The following LOC128125822 variants were observed in gnomAD, a reference collection of about 807,000 sequenced individuals.
chr6:63,579,137 G>C, the LOC128125822 span: 16 of 1,375,970 alleles, frequency 1.2e-5, no homozygotes, highest in Non-Finnish European at 1.5e-5. Context: ...ATTTGTCATA[G>C]GTATTACTTA....
At chr6:63,572,602 G>A in the LOC128125822 span, 1 of 418,216 alleles carries the variant, frequency 2.4e-6, no homozygotes, top group South Asian at 1.1e-4. Context: ...CGCCACCGCC[G>A]CTCCGCCACG....
the LOC128125822 span, among the ~76,000 whole-genome samples, chr6:63,577,712 T>C: frequency 1.3e-5 from 2 of 152,028 alleles, no homozygotes; most frequent in Non-Finnish European, 2.9e-5. Context: ...GTACGCCACC[T>C]TGCCCAGCTA....
the LOC128125822 span, chr6:63,576,637 G>A: frequency 1.9e-6 from 1 of 527,808 alleles, no homozygotes; most frequent in Non-Finnish European, 3.3e-6. Flanking sequence ...CAAGAGTTCT[G>A]ACCTGGATGG....
the LOC128125822 span, chr6:63,578,544 G>A: frequency 1.2e-6 from 2 of 1,606,072 alleles, no homozygotes; most frequent in Non-Finnish European, 1.7e-6. Context: ...GTATTTAACA[G>A]TTCTTATGGG....
the LOC128125822 span, chr6:63,573,370 T>G: frequency 1.3e-5 from 2 of 151,368 alleles, no homozygotes; most frequent in African/African-American, 2.4e-5. Flanking sequence ...AGCTCCGGGG[T>G]GGGCGCGGGA....
the LOC128125822 span, chr6:63,580,012 AGGG>A: frequency 7.2e-7 from 1 of 1,397,082 alleles, no homozygotes; most frequent in Non-Finnish European, 1.0e-6. Context: ...ATATTACTGT[AGGG>A]GGCTTTTGCC....
the LOC128125822 span, chr6:63,581,161 A>T: frequency 6.6e-6 from 1 of 151,796 alleles, no homozygotes; most frequent in Non-Finnish European, 1.5e-5. Flanking sequence ...TTCCTTCCCA[A>T]CCTCTCTTGC....
the LOC128125822 span, chr6:63,578,370 A>G: frequency 6.6e-7 from 1 of 1,510,916 alleles, no homozygotes; most frequent in Non-Finnish European, 8.9e-7. Context: ...GATGATCAGA[A>G]TATAAAATGT....
At chr6:63,580,230 A>AC in the LOC128125822 span, 2 of 1,341,250 alleles carry the variant, frequency 1.5e-6, no homozygotes, top group East Asian at 4.6e-5. Context: ...CTAATTTGTT[A>AC]TACATATTAG....
chr6:63,579,516 T>C, the LOC128125822 span, among the ~76,000 whole-genome samples: 3 of 152,392 alleles, frequency 2.0e-5, no homozygotes, highest in African/African-American at 7.2e-5. Context: ...ACTAAGATTC[T>C]AATCCAACAA....
chr6:63,583,498 G>A, the LOC128125822 span: 8 of 152,186 alleles, frequency 5.3e-5, no homozygotes, highest in African/African-American at 1.9e-4. Flanking sequence ...CCAGTGATAT[G>A]TGTTAACGTA....
At chr6:63,578,880 A>C in the LOC128125822 span, 1 of 1,510,106 alleles carries the variant, frequency 6.6e-7, no homozygotes, top group Non-Finnish European at 8.9e-7. Flanking sequence ...AAAATGTTTA[A>C]ATATTCTTCT....
the LOC128125822 span, chr6:63,578,665 A>G: frequency 1.3e-5 from 17 of 1,314,170 alleles, no homozygotes; most frequent in Non-Finnish European, 1.7e-5. Flanking sequence ...ATTATTGTGC[A>G]GAATCTTAAT....
chr6:63,579,234 T>A, the LOC128125822 span: 1 of 1,579,236 alleles, frequency 6.3e-7, no homozygotes, highest in Middle Eastern at 1.7e-4. Context: ...AAAAACTATT[T>A]ATCAAAATTC....
At chr6:63,579,348 C>A in the LOC128125822 span, 3 of 1,558,390 alleles carry the variant, frequency 1.9e-6, no homozygotes, top group Middle Eastern at 3.4e-4. Flanking sequence ...AATGGATTCT[C>A]TTTTCATTTG....
the LOC128125822 span, chr6:63,581,985 A>C: frequency 6.6e-6 from 1 of 152,288 alleles, no homozygotes; most frequent in African/African-American, 2.4e-5. Flanking sequence ...AAGGACTCAA[A>C]GTTTAAGTAA....
the LOC128125822 span, chr6:63,580,206 A>G: frequency 6.6e-7 from 1 of 1,504,474 alleles, no homozygotes; most frequent in Non-Finnish European, 9.2e-7. Context: ...TGGAAGTGGA[A>G]CTTGAGATAG....
At chr6:63,573,870 C>T in the LOC128125822 span, among the ~76,000 whole-genome samples, 4 of 152,094 alleles carry the variant, frequency 2.6e-5, no homozygotes, top group African/African-American at 9.7e-5. Context: ...TTTGGAAGGG[C>T]CCTGGATGGC....
At chr6:63,579,358 G>C in the LOC128125822 span, 1 of 1,520,904 alleles carries the variant, frequency 6.6e-7, no homozygotes, top group Non-Finnish European at 9.0e-7. Flanking sequence ...CTTTTCATTT[G>C]TACTCTCTTT....
Sources: allele counts gnomAD v4.1 joint callset (sites outside exome capture counted in the v4.1 genomes callset), GRCh38; gene constraint gnomAD v4.1.1; transcripts MANE v1.5.